The following COG5 variants were observed in gnomAD, a reference collection of about 807,000 sequenced individuals.
COG5 encodes component of oligomeric golgi complex 5.
A neutral mutation model predicts 110.4 loss-of-function variants in COG5; 86 were observed. The observed-to-expected ratio is 0.78, with a 90% CI of 0.65 to 0.93. The LOEUF is 0.93. COG5 is among the 40% of genes least tolerant of loss of function. The pLI is 0.00. For missense variants in COG5, 1,077 were observed against 987.0 expected (o/e 1.09, Z -1.22); for synonymous variants, 360 against 334.6 (o/e 1.08, Z -0.83).
chr7:107,350,027 C>A (rs1322344197), intron 10 of COG5, among the ~76,000 whole-genome samples: 1 of 152,184 alleles, frequency 6.6e-6, no homozygotes, highest in Admixed American at 6.5e-5. Context: ...AGATGCCTTT[C>A]ATTAGGTTGA....
At chr7:107,211,044 C>T in intron 20 of COG5, 55 bp downstream of exon 20, 1 of 1,601,120 alleles carries the variant, frequency 6.2e-7, no homozygotes, top group Non-Finnish European at 8.5e-7. Flanking sequence ...GCTCAGGATT[C>T]ACACAGGTAA....
intron 5 of COG5, among the ~76,000 whole-genome samples, chr7:107,534,081 A>G (rs1297406292): frequency 6.6e-6 from 1 of 151,654 alleles, no homozygotes; most frequent in Non-Finnish European, 1.5e-5. Context: ...TCATAAGCAA[A>G]GTAGAAATAA....
intron 7 of COG5, among the ~76,000 whole-genome samples, chr7:107,400,399 A>G (rs1430168111): frequency 2.0e-5 from 3 of 152,200 alleles, no homozygotes; most frequent in Non-Finnish European, 4.4e-5. Context: ...ATTACAAAAT[A>G]AAATTCTAGT....
At chr7:107,530,594 T>A (rs1203899112) in intron 5 of COG5, among the ~76,000 whole-genome samples, 46 of 79,656 alleles carry the variant, frequency 5.8e-4, no homozygotes, top group African/African-American at 2.4e-3. Flanking sequence ...AGAGCGAAAC[T>A]CCATCTCAAA....
intron 21 of COG5, among the ~76,000 whole-genome samples, chr7:107,207,109 A>G (rs1798838972): frequency 1.3e-5 from 2 of 152,210 alleles, no homozygotes; most frequent in East Asian, 3.8e-4. Flanking sequence ...TCAGGCATTT[A>G]AATATTCAAT....
At chr7:107,375,473 C>A (rs1006733764) in intron 7 of COG5, among the ~76,000 whole-genome samples, 1 of 151,980 alleles carries the variant, frequency 6.6e-6, no homozygotes, top group East Asian at 1.9e-4. Flanking sequence ...CTCCCACCAG[C>A]GATATATGAA....
chr7:107,485,248 A>G lies in COG5; in HGVS notation c.538+41989T>C, dbSNP rs180977127. Among the ~76,000 whole-genome samples the G allele has an allele frequency of 1.3e-3, 205 of 152,322 alleles. 1 individual carries two copies. The highest frequency in any genetic ancestry group is 2.2e-3 in the Non-Finnish European group (151 of 68,032). On this transcript the variant is annotated intron_variant, in intron 6 of 21. Coordinates refer to ENST00000297135, the MANE Select transcript of COG5 (RefSeq NM_006348.5). ...CTGTTACCAAATTCTGAAATAAGCTAAAGAACTGAACTTTCATTAACTAAT... is the reference window on the plus strand; with the variant it reads ...CTGTTACCAAATTCTGAAATAAGCTGAAGAACTGAACTTTCATTAACTAAT...
intron 8 of COG5, among the ~76,000 whole-genome samples, chr7:107,369,072 T>C (rs946165072): frequency 2.0e-5 from 3 of 152,222 alleles, no homozygotes; most frequent in Non-Finnish European, 2.9e-5. Context: ...TAGCTGGGAT[T>C]AGAGGCATGT....
At chr7:107,217,852 G>A (rs530541669) in intron 19 of COG5, among the ~76,000 whole-genome samples, 2 of 152,006 alleles carry the variant, frequency 1.3e-5, no homozygotes, top group East Asian at 3.9e-4. Flanking sequence ...AATCCTACTG[G>A]AGGTCTTTGT....
Position 107,203,402 on chromosome 7 carries a change from A to T in COG5, c.*114T>A, listed in dbSNP as rs1241683351. On this transcript the variant is annotated 3_prime_UTR_variant, in exon 22 of 22. Transcript: ENST00000297135. ...AATAAACGTCGATAGGAAATACCGA[A>T]CAATCAATTACATTCTTAAAATAGT... The T allele has an allele frequency of 3.9e-6, 3 of 772,480 alleles. No individual in the cohort carries two copies. Among genetic ancestry groups the T allele is most frequent in the Non-Finnish European group, 7.0e-6 (3 of 431,622 alleles). The allele number at this position is 772,480 out of a possible 1,614,324, so 47.9% of individuals were successfully genotyped here.
intron 6 of COG5, among the ~76,000 whole-genome samples, chr7:107,478,459 T>C (rs1797119208): frequency 6.6e-6 from 1 of 151,972 alleles, no homozygotes; most frequent in Admixed American, 6.6e-5. Flanking sequence ...TCAGTTAGCA[T>C]GGTCAACTCT....
chr7:107,295,097 A>AT lies in COG5; in HGVS notation c.1313+3044dup, dbSNP rs1562955833. Among the ~76,000 whole-genome samples the AT allele has an allele frequency of 6.0e-4, 42 of 70,578 alleles. 1 individual carries two copies. The highest frequency in any genetic ancestry group is 6.3e-4 in the Non-Finnish European group (24 of 38,322). The allele number at this position is 70,578 out of a possible 152,430, so 46.3% of individuals were successfully genotyped here. A position where few individuals can be genotyped will look rare whatever the true frequency, so the allele number is the denominator to read the frequency against. ...TATATATATATATATATATATATATATATATTTTTTTTTTTTTTTTGTAGA... is the reference window on the plus strand; with the variant it reads ...TATATATATATATATATATATATATATTATATTTTTTTTTTTTTTTTGTAGA... On this transcript the variant is annotated intron_variant, in intron 12 of 21. Coordinates refer to ENST00000297135, the MANE Select transcript of COG5 (RefSeq NM_006348.5).
At chr7:107,324,884 A>G (rs1169061876) in intron 10 of COG5, among the ~76,000 whole-genome samples, 1 of 152,186 alleles carries the variant, frequency 6.6e-6, no homozygotes, top group Non-Finnish European at 1.5e-5. Context: ...GAAATACAAT[A>G]AACTCAATGA....
intron 6 of COG5, among the ~76,000 whole-genome samples, chr7:107,517,008 G>A (rs1799966927): frequency 6.6e-6 from 1 of 152,170 alleles, no homozygotes; most frequent in Non-Finnish European, 1.5e-5. Flanking sequence ...AGGATGAGAT[G>A]AACTAATTGA....
intron 17 of COG5, among the ~76,000 whole-genome samples, chr7:107,246,944 C>G (rs1038696793): frequency 2.0e-5 from 3 of 152,140 alleles, no homozygotes; most frequent in African/African-American, 4.8e-5. Context: ...GCACTATTCA[C>G]AATAGCAAAG....
intron 17 of COG5, among the ~76,000 whole-genome samples, chr7:107,245,180 T>C (rs1323805711): frequency 3.9e-5 from 6 of 152,106 alleles, no homozygotes; most frequent in Admixed American, 3.9e-4. Flanking sequence ...ATGTTAAAAA[T>C]TCTCAATAAA....
intron 8 of COG5, among the ~76,000 whole-genome samples, chr7:107,370,092 T>C (rs1428862096): frequency 6.6e-6 from 1 of 152,102 alleles, no homozygotes; most frequent in Non-Finnish European, 1.5e-5. Flanking sequence ...ATTATTTATA[T>C]TTATATATGT....
chr7:107,254,636 C>T (rs781434403), intron 16 of COG5, among the ~76,000 whole-genome samples: 24 of 152,224 alleles, frequency 1.6e-4, no homozygotes, highest in Non-Finnish European at 3.1e-4. Flanking sequence ...CTCAGAGTCA[C>T]GGCTGCAGCC....
chr7:107,463,139 C>T (rs979129815), intron 6 of COG5, among the ~76,000 whole-genome samples: 2 of 152,122 alleles, frequency 1.3e-5, no homozygotes, highest in South Asian at 2.1e-4. Flanking sequence ...AATCCAGGGC[C>T]GTAATGAGTC....
Sources: gnomAD v4.1 joint callset for allele counts (sites outside exome capture counted in the v4.1 genomes callset) on GRCh38, gnomAD v4.1.1 for gene constraint, MANE v1.5 for transcripts, NCBI Gene and HGNC (gene_info 2026-07-23, HGNC 2026-07-21) for gene names.